The following XYLT1 variants were observed in gnomAD, a reference collection of about 807,000 sequenced individuals.
XYLT1 encodes the protein beta-D-xylosyltransferase 1.
XYLT1 carries 36 observed loss-of-function variants against 91.3 expected under a neutral mutation model. The observed-to-expected ratio is 0.39, with a 90% CI of 0.30 to 0.52. The LOEUF (loss-of-function observed/expected upper bound fraction) is 0.52, where lower values mean the gene tolerates loss of function less well. Ranked by LOEUF, XYLT1 falls within the 20% of genes least tolerant of loss-of-function variation. The probability of loss-of-function intolerance (pLI) is 0.68; values close to 1 mark genes in which losing one functional copy is unlikely to be tolerated. For synonymous variants in XYLT1, 588 were observed against 532.0 expected, an observed-to-expected ratio of 1.11 and a Z score of -1.45; for missense variants, 1,242 against 1,284.5, an observed-to-expected ratio of 0.97 and a Z score of 0.51.
chr16:17,353,259 G>A (rs35860458), intron 2 of XYLT1, among the ~76,000 whole-genome samples: 70,462 of 151,912 alleles, frequency 0.46, 17,682 homozygotes, highest in African/African-American at 0.63. Context: ...ATCTTGACTC[G>A]GCAAAAGAGC....
At chr16:17,314,934 G>A (rs7198991) in intron 2 of XYLT1, among the ~76,000 whole-genome samples, 1 of 152,090 alleles carries the variant, frequency 6.6e-6, no homozygotes, top group Non-Finnish European at 1.5e-5. Flanking sequence ...AGAGAGGTGA[G>A]AGGTACCCAG....
intron 2 of XYLT1, among the ~76,000 whole-genome samples, chr16:17,269,641 G>C (rs1248903193): frequency 6.6e-6 from 1 of 152,086 alleles, no homozygotes; most frequent in East Asian, 1.9e-4. Flanking sequence ...CTCTGTAAGA[G>C]AGCAGGAGCC....
intron 4 of XYLT1, among the ~76,000 whole-genome samples, chr16:17,199,593 C>T (rs2032494472): frequency 6.6e-6 from 1 of 152,172 alleles, no homozygotes; most frequent in Admixed American, 6.5e-5. Context: ...TGGGAGATAA[C>T]TGAATCACAG....
intron 5 of XYLT1, among the ~76,000 whole-genome samples, chr16:17,161,639 G>C (rs963196256): frequency 1.3e-5 from 2 of 151,452 alleles, no homozygotes; most frequent in Non-Finnish European, 2.9e-5. Flanking sequence ...AACAGCTTGC[G>C]ATCTGGTGAC....
At chr16:17,181,576 G>C (rs2032070942) in intron 5 of XYLT1, among the ~76,000 whole-genome samples, 1 of 152,098 alleles carries the variant, frequency 6.6e-6, no homozygotes, top group South Asian at 2.1e-4. Flanking sequence ...GTACCCTGGG[G>C]AGGGCACTCT....
chr16:17,165,290 G>A (rs2031649784), intron 5 of XYLT1, among the ~76,000 whole-genome samples: 1 of 152,164 alleles, frequency 6.6e-6, no homozygotes, highest in South Asian at 2.1e-4. Context: ...ACGGGAACAT[G>A]TATATACATG....
chr16:17,392,621 T>C (rs928313328), intron 1 of XYLT1, among the ~76,000 whole-genome samples: 8 of 152,162 alleles, frequency 5.3e-5, no homozygotes, highest in Non-Finnish European at 1.0e-4. Flanking sequence ...AAATTCACTA[T>C]GCCAAATGGG....
intron 11 of XYLT1, among the ~76,000 whole-genome samples, chr16:17,111,981 A>G (rs1567276319): frequency 6.6e-6 from 1 of 152,186 alleles, no homozygotes; most frequent in Non-Finnish European, 1.5e-5. Flanking sequence ...TTTCTCTATC[A>G]GAGCCCCTTA....
intron 1 of XYLT1, among the ~76,000 whole-genome samples, chr16:17,453,391 TC>T (rs932141854): frequency 2.6e-5 from 4 of 152,196 alleles, no homozygotes; most frequent in African/African-American, 9.6e-5. Flanking sequence ...AAGTCATTTT[TC>T]AGCCAGCACC....
Position 17,127,676 on chromosome 16 carries a change from T to C in XYLT1, c.2213A>G (p.Gln738Arg), listed in dbSNP as rs766442761. Residue 738 changes from glutamine (Q) to arginine (R), a missense_variant, in exon 10 of 12, where the codon CAG (glutamine) becomes CGG (arginine). Physicochemically the swap from Gln to Arg is conservative, Grantham distance 43. Around this residue, in one of 3 missense-constraint regions of XYLT1, gnomAD observed 511 missense variants for 497.0 expected, o/e 1.03. Transcript: ENST00000261381. ...GACCTGGCCTCTTACCTCGGAAAAC[T>C]GAAGCCTCCCAAAGTCACTGGGTGG... ...ASPPSDFGRL[Q>R]FSEVGTDWDA... 2 of 1,613,360 alleles carry C rather than the reference T, an allele frequency of 1.2e-6. No individual in the cohort carries two copies. The highest frequency in any genetic ancestry group is 1.7e-6 in the Non-Finnish European group (2 of 1,179,808).
chr16:17,366,624 G>A (rs957169948), intron 1 of XYLT1, among the ~76,000 whole-genome samples: 4 of 152,270 alleles, frequency 2.6e-5, no homozygotes, highest in Admixed American at 2.0e-4. Flanking sequence ...GAACCCTGGC[G>A]GCAGAGGCTG....
chr16:17,369,427 A>ATAAG (rs1239821836), intron 1 of XYLT1, among the ~76,000 whole-genome samples: 1 of 152,146 alleles, frequency 6.6e-6, no homozygotes, highest in Non-Finnish European at 1.5e-5. Flanking sequence ...GGTCCACTTA[A>ATAAG]GGCAGGCACA....
At chr16:17,200,416 G>T in intron 4 of XYLT1, 66 bp downstream of exon 4, 4 of 1,562,578 alleles carry the variant, frequency 2.6e-6, no homozygotes, top group East Asian at 2.3e-5. Flanking sequence ...CAGAAGGAGG[G>T]TATCAGGGAG....
intron 1 of XYLT1, 142 bp downstream of exon 1, chr16:17,470,292 T>C (rs931870823): frequency 7.5e-6 from 8 of 1,072,586 alleles, no homozygotes; most frequent in Non-Finnish European, 9.4e-6. Flanking sequence ...CCCACCCGGC[T>C]TCCCGGGGCA....
At chr16:17,133,178 T>C (rs1336805608) in intron 9 of XYLT1, among the ~76,000 whole-genome samples, 1 of 152,074 alleles carries the variant, frequency 6.6e-6, no homozygotes, top group African/African-American at 2.4e-5. Flanking sequence ...GATGGGACAG[T>C]GTCACAGCCC....
At chr16:17,192,279 A>G (rs1307700218) in intron 5 of XYLT1, among the ~76,000 whole-genome samples, 2 of 151,758 alleles carry the variant, frequency 1.3e-5, no homozygotes, top group East Asian at 3.9e-4. Flanking sequence ...TTGTATTTTT[A>G]GTAGAGATGG....
chr16:17,137,289 G>C (rs539696648), intron 8 of XYLT1, among the ~76,000 whole-genome samples: 8 of 152,106 alleles, frequency 5.3e-5, no homozygotes, highest in Non-Finnish European at 8.8e-5. Context: ...CCCCAGTAAA[G>C]CCAATGCCCA....
chr16:17,197,697 A>T (rs1567318546), intron 5 of XYLT1, among the ~76,000 whole-genome samples: 1 of 152,154 alleles, frequency 6.6e-6, no homozygotes, highest in East Asian at 1.9e-4. Flanking sequence ...CCTGCCTTTG[A>T]ACATCAGACT....
chr16:17,113,040 C>T (rs146937234), intron 11 of XYLT1, among the ~76,000 whole-genome samples: 9,099 of 151,992 alleles, frequency 0.06, 913 homozygotes, highest in African/African-American at 0.21. Flanking sequence ...GGTTTCTCCA[C>T]GTTGGTCAGG....
Sources: allele counts gnomAD v4.1 joint callset (sites outside exome capture counted in the v4.1 genomes callset), GRCh38; gene constraint gnomAD v4.1.1; regional missense constraint gnomAD v4.1.1; transcripts MANE v1.5; gene names NCBI Gene and HGNC (gene_info 2026-07-23, HGNC 2026-07-21).